POLR3A: variants seen among roughly 807,000 people sequenced by gnomAD.
The protein encoded by POLR3A is DNA-directed RNA polymerase III subunit RPC1.
POLR3A carries 112 observed loss-of-function variants against 152.8 expected under a neutral mutation model. The ratio of observed to expected loss-of-function variants is 0.73; its 90% CI spans 0.63 to 0.86. The LOEUF is 0.86. Among genes scored for constraint, POLR3A ranks in the 40% least tolerant of loss-of-function variants. POLR3A has a pLI of 0.00. For missense variants in POLR3A, 1,385 were observed against 1,743.1 expected (o/e 0.79, Z 3.66); for synonymous variants, 615 against 652.1 (o/e 0.94, Z 0.87).
In POLR3A at chr10:78,009,544, A is replaced by G; in HGVS notation, c.1902T>C (p.Asn634=). The change falls in exon 14 of 31, where the codon AAT becomes AAC. Residue 634 remains asparagine, a synonymous_variant. Coordinates refer to ENST00000372371, the MANE Select transcript of POLR3A (RefSeq NM_007055.4). ...YCGKGEDLCA[N]DSYVTIQNSE... is the part of the protein sequence containing the mutation. Reference sequence around the variant, plus strand: ...CGAGTTCCGTCCACTCACAGGAATCATTGGCACAGAGATCTTCCCCTTTGC... The same window carrying G: ...CGAGTTCCGTCCACTCACAGGAATCGTTGGCACAGAGATCTTCCCCTTTGC... 1 of 1,614,206 alleles carries G rather than the reference A, an allele frequency of 6.2e-7. No individual in the cohort carries two copies. The highest frequency in any genetic ancestry group is 8.5e-7 in the Non-Finnish European group (1 of 1,180,052).
rs373786204 is a variant in POLR3A, at chr10:78,013,641, C to T, written c.1572+9G>A. On this transcript the variant is annotated intron_variant, in intron 11 of 30. Coordinates refer to ENST00000372371, the MANE Select transcript of POLR3A (RefSeq NM_007055.4). ...TTATGCAAAAGCTGGGCTGTGCCACCCTACATACCCCCATCAGAACAAGGG... is the reference window on the plus strand; with the variant it reads ...TTATGCAAAAGCTGGGCTGTGCCACTCTACATACCCCCATCAGAACAAGGG... 1.4e-5 allele frequency: 23 copies of T among 1,613,756 alleles called. No individual in the cohort carries two copies. The highest frequency in any genetic ancestry group is 1.9e-5 in the Non-Finnish European group (23 of 1,179,898).
Position 78,004,745 on chromosome 10 carries a change from G to C in POLR3A, c.2218C>G (p.Pro740Ala), listed in dbSNP as rs1035512967. 1 of 1,613,620 alleles carries C rather than the reference G, an allele frequency of 6.2e-7. No individual in the cohort carries two copies. Among genetic ancestry groups the C allele is most frequent in the Admixed American group, 1.7e-5 (1 of 60,018 alleles). The change falls in exon 16 of 31, where the codon CCT becomes GCT. Residue 740 changes from proline (P) to alanine (A), a missense_variant. By Grantham distance (27) the Pro-to-Ala change is conservative. This residue lies in a region of POLR3A where 170 missense variants were observed against 231.2 expected (regional missense o/e 0.74). Transcript: ENST00000372371. ...ALNTGKLQQQPGCTAEETLEA... is the reference protein window; with the variant it reads ...ALNTGKLQQQAGCTAEETLEA... ...AGGGTCTCCTCAGCAGTGCAGCCAG[G>C]CTGCTGCTGCAGCTTGCCCGTGTTC...
At chr10:78,028,005 G>A (rs1847653681) in intron 1 of POLR3A, among the ~76,000 whole-genome samples, 1 of 152,178 alleles carries the variant, frequency 6.6e-6, no homozygotes, top group Non-Finnish European at 1.5e-5. Context: ...TACCACATGG[G>A]AGAATGCTGC....
intron 16 of POLR3A, among the ~76,000 whole-genome samples, chr10:78,002,535 T>C (rs1189120990): frequency 6.6e-6 from 1 of 152,206 alleles, no homozygotes; most frequent in Non-Finnish European, 1.5e-5. Flanking sequence ...GTTTATCTTT[T>C]TTTTGTTTTT....
intron 30 of POLR3A, among the ~76,000 whole-genome samples, chr10:77,978,849 AGAC>A (rs1847113887): frequency 6.7e-6 from 1 of 150,196 alleles, no homozygotes; most frequent in Non-Finnish European, 1.5e-5. Flanking sequence ...TTTTTAGTAG[AGAC>A]GGGGTCTCAC....
At chr10:77,986,771 A>T (rs1219934698) in intron 21 of POLR3A, among the ~76,000 whole-genome samples, 1 of 152,142 alleles carries the variant, frequency 6.6e-6, no homozygotes, top group Non-Finnish European at 1.5e-5. Context: ...GTCTGTAAGG[A>T]TTCCTGGAAA....
intron 8 of POLR3A, among the ~76,000 whole-genome samples, chr10:78,020,766 C>G (rs150231366): frequency 6.6e-6 from 1 of 151,884 alleles, no homozygotes; most frequent in Admixed American, 6.6e-5. Context: ...CCAGCCTGGG[C>G]GACAGAGCGA....
Position 77,981,487 on chromosome 10 carries a change from G to A in POLR3A, c.3832C>T (p.His1278Tyr), listed in dbSNP as rs1480297116. The A allele has an allele frequency of 6.2e-7, 1 of 1,613,986 alleles. No individual in the cohort carries two copies. Among genetic ancestry groups the A allele is most frequent in the Non-Finnish European group, 8.5e-7 (1 of 1,179,904 alleles). The change falls in exon 29 of 31, where the codon CAC (histidine) becomes TAC (tyrosine). Residue 1278 changes from histidine (H) to tyrosine (Y), a missense_variant. Coordinates refer to ENST00000372371, the MANE Select transcript of POLR3A (RefSeq NM_007055.4). ...INEIQYTMVN[H>Y]GMSIDRRHVM... Reference sequence around the variant, plus strand: ...TGCCTCCTGTCGATGCTCATGCCGTGGTTCACCATGGTGTACTGGATTTCA... The same window carrying A: ...TGCCTCCTGTCGATGCTCATGCCGTAGTTCACCATGGTGTACTGGATTTCA...
In POLR3A at chr10:77,977,506, T is replaced by C. The variant is rs1847100651; in HGVS notation, c.4145A>G (p.Asn1382Ser). ...TGTGACAAGGGGGATGTGGAATTCA[T>C]TTGTGTCGAAGATCAGGGGCCTCTT... Reference protein sequence around the residue: ...PPKRPLIFDTNEFHIPLVT With the variant: ...PPKRPLIFDTSEFHIPLVT The change falls in exon 31 of 31, where the codon AAT becomes AGT. Residue 1382 changes from asparagine (N) to serine (S), a missense_variant. Physicochemically the swap from Asn to Ser is conservative, Grantham distance 46 (BLOSUM62 1). Around this residue, in one of 7 missense-constraint regions of POLR3A, gnomAD observed 332 missense variants for 400.1 expected, o/e 0.83. Transcript: ENST00000372371. 2 of 1,614,118 alleles carry C rather than the reference T, an allele frequency of 1.2e-6. No homozygotes were observed. The highest frequency in any genetic ancestry group is 1.7e-6 in the Non-Finnish European group (2 of 1,180,010).
Position 78,009,962 on chromosome 10 carries a change from A to G in POLR3A, c.1672T>C (p.Phe558Leu). 1 of 1,614,162 alleles carries G rather than the reference A, an allele frequency of 6.2e-7. No homozygotes were observed. The highest frequency in any genetic ancestry group is 8.5e-7 in the Non-Finnish European group (1 of 1,180,008). Residue 558 changes from phenylalanine (F) to leucine (L), a missense_variant, in exon 13 of 31, where the codon TTC becomes CTC. This residue lies in a region of POLR3A where 188 missense variants were observed against 179.9 expected (regional missense o/e 1.04). Transcript: ENST00000372371. ...TGGCAAGCCTTGGCTCGATCAAAGA[A>G]AGTGTCCTTGAGAGTGAGGAGATAG... ...GAYLLTLKDT[F>L]FDRAKACQII...
At chr10:77,999,834 G>A (rs1847338841) in intron 19 of POLR3A, 147 bp downstream of exon 19, 1 of 780,086 alleles carries the variant, frequency 1.3e-6, no homozygotes, top group Non-Finnish European at 2.1e-6. Flanking sequence ...TCATTTCCAG[G>A]GCATCTACCT....
chr10:78,005,307 A>G (rs11818454), intron 15 of POLR3A, among the ~76,000 whole-genome samples: 12,927 of 152,288 alleles, frequency 0.085, 1,758 homozygotes, highest in African/African-American at 0.29. Flanking sequence ...GATCAGCCTC[A>G]TCTCTACAAA....
Position 78,009,551 on chromosome 10 carries a change from C to G in POLR3A, c.1895G>C (p.Cys632Ser), listed in dbSNP as rs752754110. The change falls in exon 14 of 31, where the codon TGT (cysteine) becomes TCT (serine). Residue 632 changes from cysteine (C) to serine (S), a missense_variant. This residue lies in a region of POLR3A where 188 missense variants were observed against 179.9 expected (regional missense o/e 1.04). Coordinates refer to ENST00000372371, the MANE Select transcript of POLR3A (RefSeq NM_007055.4). ...CGTCCACTCACAGGAATCATTGGCACAGAGATCTTCCCCTTTGCCACAGTA... is the reference window on the plus strand; with the variant it reads ...CGTCCACTCACAGGAATCATTGGCAGAGAGATCTTCCCCTTTGCCACAGTA... ...KQYCGKGEDLCANDSYVTIQN... is the reference protein window; with the variant it reads ...KQYCGKGEDLSANDSYVTIQN... The G allele has an allele frequency of 4.3e-6, 7 of 1,614,248 alleles. No homozygotes were observed. Among genetic ancestry groups the G allele is most frequent in the Non-Finnish European group, 5.1e-6 (6 of 1,180,054 alleles).
chr10:77,992,330 G>A (rs930179235), intron 20 of POLR3A, among the ~76,000 whole-genome samples: 1 of 150,498 alleles, frequency 6.6e-6, no homozygotes, highest in Non-Finnish European at 1.5e-5. Flanking sequence ...GGAATGTAGT[G>A]GTAAGATCAG....
chr10:78,005,587 T>C (rs1847403441), intron 15 of POLR3A, among the ~76,000 whole-genome samples: 1 of 152,242 alleles, frequency 6.6e-6, no homozygotes, highest in Non-Finnish European at 1.5e-5. Context: ...GACCTACAAG[T>C]ATCTGTAGAT....
At chr10:78,006,361 C>T (rs1304549104) in intron 15 of POLR3A, among the ~76,000 whole-genome samples, 1 of 133,646 alleles carries the variant, frequency 7.5e-6, no homozygotes, top group African/African-American at 2.9e-5. Context: ...TGCATCACTG[C>T]ACTCCAGCCT....
intron 16 of POLR3A, among the ~76,000 whole-genome samples, 175 bp downstream of exon 16, chr10:78,004,541 C>A (rs1002624188): frequency 6.6e-6 from 1 of 152,142 alleles, no homozygotes; most frequent in African/African-American, 2.4e-5. Flanking sequence ...AGGGCCCCAA[C>A]AGGACAGACG....
In POLR3A at chr10:78,021,957, A is replaced by G; in HGVS notation, c.951T>C (p.Cys317=). ...AGAGCTCACTGTTAATGTAGAGGGC[A>G]CACTGCAGCTGCAGGAAATCCCAGT... The part of the protein sequence containing the change: ...MEDWDFLQLQ[C]ALYINSELSG... The change falls in exon 7 of 31, where the codon TGT becomes TGC. Residue 317 remains cysteine, a synonymous_variant. Transcript: ENST00000372371. The G allele has an allele frequency of 6.2e-7, 1 of 1,614,174 alleles. No individual in the cohort carries two copies. Among genetic ancestry groups the G allele is most frequent in the Non-Finnish European group, 8.5e-7 (1 of 1,180,014 alleles).
chr10:78,013,876 T>A, intron 10 of POLR3A, 86 bp from the exon 11 acceptor site: 3 of 1,505,858 alleles, frequency 2.0e-6, no homozygotes, highest in Non-Finnish European at 2.8e-6. Flanking sequence ...TAAAAATGGC[T>A]TCCTGGAATA....
Sources: allele counts gnomAD v4.1 joint callset (sites outside exome capture counted in the v4.1 genomes callset), GRCh38; gene constraint gnomAD v4.1.1; regional missense constraint gnomAD v4.1.1; transcripts MANE v1.5; gene names NCBI Gene and HGNC (gene_info 2026-07-23, HGNC 2026-07-21).